The following SNX14 variants were observed in gnomAD, a reference collection of about 807,000 sequenced individuals.
The protein encoded by SNX14 is sorting nexin 14.
Under a neutral mutation model 133.8 loss-of-function variants are expected in SNX14, and 93 were observed. The observed-to-expected ratio is 0.70, with a 90% confidence interval of 0.59 to 0.83. The LOEUF (loss-of-function observed/expected upper bound fraction) is 0.83, where lower values mean the gene tolerates loss of function less well. SNX14 is among the 40% of genes least tolerant of loss of function. The pLI is 0.00. For synonymous variants in SNX14, 368 were observed against 365.6 expected (o/e 1.01, Z -0.07); for missense variants, 945 against 1,094.9 (o/e 0.86, Z 1.93).
At chr6:85,510,965 T>C (rs1772589957) in intron 26 of SNX14, among the ~76,000 whole-genome samples, 1 of 152,174 alleles carries the variant, frequency 6.6e-6, no homozygotes, top group African/African-American at 2.4e-5. Flanking sequence ...ACAAAACAAC[T>C]TACTGGGATT....
At chr6:85,557,258 A>G (rs1209884814) in intron 7 of SNX14, among the ~76,000 whole-genome samples, 2 of 152,248 alleles carry the variant, frequency 1.3e-5, no homozygotes, top group Non-Finnish European at 2.9e-5. Context: ...AGTACAGCGC[A>G]TAGAAGTAGT....
chr6:85,550,216 A>G (rs2128107375), intron 7 of SNX14, among the ~76,000 whole-genome samples: 1 of 152,280 alleles, frequency 6.6e-6, no homozygotes, highest in South Asian at 2.1e-4. Flanking sequence ...TTTCCCAAAA[A>G]AATATGTAAC....
chr6:85,567,522 G>A lies in SNX14; in HGVS notation c.461+12C>T, dbSNP rs759534729. 21 of 1,506,088 alleles carry A rather than the reference G, an allele frequency of 1.4e-5. No homozygotes were observed. Among genetic ancestry groups the A allele is most frequent in the Non-Finnish European group, 5.3e-6 (6 of 1,129,936 alleles). 93.3% of individuals were successfully genotyped at this position (1,506,088 alleles called of 1,614,324 possible). A position where few individuals can be genotyped will look rare whatever the true frequency, so the allele number is the denominator to read the frequency against. ...GTATCACAGAAAAAAAGATCTTATA[G>A]AAAGAACATACCTGTACCACGGATA... On this transcript the variant is annotated intron_variant, in intron 5 of 28. Coordinates refer to ENST00000314673, the MANE Select transcript of SNX14 (RefSeq NM_153816.6).
chr6:85,591,054 C>T (rs780738312), intron 1 of SNX14, among the ~76,000 whole-genome samples: 6 of 152,170 alleles, frequency 3.9e-5, no homozygotes, highest in Non-Finnish European at 7.3e-5. Context: ...GTATTCCACT[C>T]GGATTTCTGA....
chr6:85,514,774 T>C (rs1774220813), intron 23 of SNX14, 145 bp from the exon 24 acceptor site: 1 of 662,966 alleles, frequency 1.5e-6, no homozygotes, highest in Admixed American at 3.6e-5. Context: ...TATATGCTTC[T>C]AAAATTCCCC....
At chr6:85,590,890 AATTT>A (rs1802555295) in intron 1 of SNX14, among the ~76,000 whole-genome samples, 4 of 152,300 alleles carry the variant, frequency 2.6e-5, no homozygotes, top group African/African-American at 9.6e-5. Context: ...CCTTACACTC[AATTT>A]ATTTATCTTG....
At chr6:85,519,611 C>T (rs1012670214) in intron 21 of SNX14, among the ~76,000 whole-genome samples, 18 of 152,216 alleles carry the variant, frequency 1.2e-4, no homozygotes, top group Non-Finnish European at 1.8e-4. Flanking sequence ...TGGCTCACGC[C>T]TGTAATCCCA....
chr6:85,576,512 C>T (rs1023892422), intron 1 of SNX14, among the ~76,000 whole-genome samples: 13 of 148,094 alleles, frequency 8.8e-5, no homozygotes, highest in African/African-American at 2.6e-4. Context: ...GTAAATTGCA[C>T]GAACTGACAG....
Position 85,593,664 on chromosome 6 carries a change from C to G in SNX14, c.55G>C (p.Asp19His), listed in dbSNP as rs1214437055. The change falls in exon 1 of 29, where the codon GAC becomes CAC. Residue 19 changes from aspartate (D) to histidine (H), a missense_variant. Asp to His is a moderately conservative substitution (Grantham distance 81). Around this residue, in one of 3 missense-constraint regions of SNX14, gnomAD observed 514 missense variants for 538.8 expected, o/e 0.95. Transcript: ENST00000314673. ...TGGCGGCAGATCTCGCGTCCCACGT[C>G]CAGTCGCAGCCGCTGCTTCAGCTTC... ...GQKLKQRLRL[D>H]VGREICRQYP... The G allele has an allele frequency of 1.2e-6, 2 of 1,613,054 alleles. No individual in the cohort carries two copies. The highest frequency in any genetic ancestry group is 2.2e-5 in the East Asian group (1 of 44,878).
intron 5 of SNX14, 58 bp downstream of exon 5, chr6:85,567,476 C>T (rs1794245988): frequency 4.1e-6 from 5 of 1,220,908 alleles, no homozygotes; most frequent in Non-Finnish European, 5.7e-6. Context: ...CATTAGCATG[C>T]TTAACTTAAT....
chr6:85,516,822 G>C (rs1404305171), intron 23 of SNX14, among the ~76,000 whole-genome samples: 1 of 151,974 alleles, frequency 6.6e-6, no homozygotes, highest in Non-Finnish European at 1.5e-5. Flanking sequence ...ATTTTCAGTA[G>C]AGGCAGGGTT....
intron 15 of SNX14, 128 bp downstream of exon 15, chr6:85,541,857 T>A (rs1484136649): frequency 5.3e-6 from 3 of 570,626 alleles, no homozygotes; most frequent in Non-Finnish European, 8.7e-6. Flanking sequence ...AATTCACTAG[T>A]AAAATGCCTT....
At chr6:85,588,575 C>CTAAATAAATAAATAAATAAA (rs145183684) in intron 1 of SNX14, among the ~76,000 whole-genome samples, 2,206 of 149,020 alleles carry the variant, frequency 0.015, 34 homozygotes, top group South Asian at 0.038. Context: ...GACTCCGTCT[C>CTAAATAAATAAATAAATAAA]TAAATAAATA....
chr6:85,507,187 C>T, intron 28 of SNX14, 46 bp downstream of exon 28: 3 of 1,461,262 alleles, frequency 2.1e-6, no homozygotes, highest in South Asian at 2.3e-5. Flanking sequence ...TAAATGTCAG[C>T]ATACCATTAA....
chr6:85,580,795 A>T (rs1364726857), intron 1 of SNX14, among the ~76,000 whole-genome samples: 2 of 152,014 alleles, frequency 1.3e-5, no homozygotes, highest in Non-Finnish European at 2.9e-5. Flanking sequence ...AGTGGTAAGG[A>T]TTTTGTCTTG....
chr6:85,553,381 A>T (rs1788485708), intron 7 of SNX14, among the ~76,000 whole-genome samples: 1 of 152,234 alleles, frequency 6.6e-6, no homozygotes, highest in African/African-American at 2.4e-5. Flanking sequence ...TGAGCATAAA[A>T]GTCAGAAATC....
chr6:85,512,737 G>A (rs1284627689), intron 26 of SNX14, among the ~76,000 whole-genome samples: 1 of 152,084 alleles, frequency 6.6e-6, no homozygotes, highest in African/African-American at 2.4e-5. Flanking sequence ...TATAGTTCAG[G>A]TTTCCCTAGC....
chr6:85,541,774 T>C (rs1783839185), intron 15 of SNX14, among the ~76,000 whole-genome samples: 1 of 152,232 alleles, frequency 6.6e-6, no homozygotes, highest in South Asian at 2.1e-4. Context: ...CAAGGCCACA[T>C]TATGTATCTT....
chr6:85,573,857 G>C (rs6935918), intron 2 of SNX14, among the ~76,000 whole-genome samples: 93,619 of 151,944 alleles, frequency 0.62, 29,145 homozygotes, highest in Admixed American at 0.69. Context: ...TTGAGAACCT[G>C]TGATTTAATT....
Sources: allele counts gnomAD v4.1 joint callset (sites outside exome capture counted in the v4.1 genomes callset), GRCh38; gene constraint gnomAD v4.1.1; regional missense constraint gnomAD v4.1.1; transcripts MANE v1.5; gene names NCBI Gene and HGNC (gene_info 2026-07-23, HGNC 2026-07-21).